FRMD3: variants seen among roughly 807,000 people sequenced by gnomAD.
The protein encoded by FRMD3 is FERM domain-containing protein 3.
In FRMD3, 33 loss-of-function variants were observed where a neutral mutation model predicts 70.2. The observed-to-expected ratio is 0.47, with a 90% CI of 0.36 to 0.63. FRMD3 has a LOEUF of 0.63. Ranked by LOEUF, FRMD3 falls within the 20% of genes least tolerant of loss-of-function variation. The pLI is 0.00. For synonymous variants in FRMD3, 279 were observed against 255.9 expected (o/e 1.09, Z -0.86); for missense variants, 632 against 711.4 (o/e 0.89, Z 1.27).
intron 3 of FRMD3, among the ~76,000 whole-genome samples, chr9:83,353,190 C>T (rs11140041): frequency 0.28 from 41,434 of 149,640 alleles, 6,534 homozygotes; most frequent in Non-Finnish European, 0.35. Flanking sequence ...CCACTCAGTT[C>T]TGTCACAGTG....
intron 6 of FRMD3, among the ~76,000 whole-genome samples, chr9:83,324,367 G>A (rs1203721023): frequency 6.6e-6 from 1 of 152,138 alleles, no homozygotes; most frequent in Non-Finnish European, 1.5e-5. Flanking sequence ...TGGTCTGGGA[G>A]GGGCACATAG....
chr9:83,518,504 G>A (rs1668192329), intron 1 of FRMD3, among the ~76,000 whole-genome samples: 1 of 151,996 alleles, frequency 6.6e-6, no homozygotes, highest in African/African-American at 2.4e-5. Flanking sequence ...ACAAACAAAT[G>A]GAAAAACATT....
At chr9:83,347,595 C>G (rs10746702) in intron 4 of FRMD3, among the ~76,000 whole-genome samples, 3 of 151,980 alleles carry the variant, frequency 2.0e-5, no homozygotes, top group Non-Finnish European at 2.9e-5. Flanking sequence ...TCAAATATCA[C>G]TTTTGTGGTT....
chr9:83,406,432 T>G (rs1826105853), intron 1 of FRMD3, among the ~76,000 whole-genome samples: 2 of 152,178 alleles, frequency 1.3e-5, no homozygotes, highest in African/African-American at 4.8e-5. Flanking sequence ...AACTTATACA[T>G]ATATGCTTTG....
In FRMD3 at chr9:83,538,352, G is replaced by A. The variant is rs1193432712; in HGVS notation, c.-121C>T. 1 of 891,002 alleles carries A rather than the reference G, an allele frequency of 1.1e-6. No homozygotes were observed. The highest frequency in any genetic ancestry group is 1.5e-6 in the Non-Finnish European group (1 of 676,312). The allele number at this position is 891,002 out of a possible 1,614,324, so 55.2% of individuals were successfully genotyped here. ...GGGCGCGGCTCAGCCCCGGGACATC[G>A]GCAGCGTCGGGCGCCTGCGGACACA... On this transcript the variant is annotated 5_prime_UTR_variant, in exon 1 of 14. Transcript: ENST00000304195. This position sits in a 1 kb window ranked among gnomAD's most constrained non-coding sequence, Gnocchi z 4.7.
At chr9:83,428,607 T>G (rs1826883075) in intron 1 of FRMD3, among the ~76,000 whole-genome samples, 1 of 152,088 alleles carries the variant, frequency 6.6e-6, no homozygotes, top group Non-Finnish European at 1.5e-5. Context: ...TATAATAATT[T>G]TCATTATTTA....
Position 83,245,367 on chromosome 9 carries a change from T to C in FRMD3, c.*2551A>G, listed in dbSNP as rs1832043805. On this transcript the variant is annotated 3_prime_UTR_variant, in exon 14 of 14. Coordinates refer to ENST00000304195, the MANE Select transcript of FRMD3 (RefSeq NM_174938.6). ...CTAACAAAACTTAAATGGATGTTTC[T>C]AAAAGGCTCTGATTCTATGCCGAGC... The C allele has an allele frequency of 2.0e-6, 2 of 985,326 alleles. No homozygotes were observed. Among genetic ancestry groups the C allele is most frequent in the South Asian group, 9.4e-5 (2 of 21,296 alleles). The allele number at this position is 985,326 out of a possible 1,614,324, so 61.0% of individuals were successfully genotyped here. A position where few individuals can be genotyped will look rare whatever the true frequency, so the allele number is the denominator to read the frequency against.
chr9:83,570,031 A>T, the FRMD3 span, among the ~76,000 whole-genome samples: 1 of 152,170 alleles, frequency 6.6e-6, no homozygotes, highest in Non-Finnish European at 1.5e-5. Context: ...TCAAGTTCCC[A>T]TCAGATTTTC....
chr9:83,538,060 C>T lies in FRMD3; in HGVS notation c.147+25G>A. The stretch of plus-strand genomic sequence containing the variant: ...CGCCCTGCTCCCGGCGTGTGCCCCG[C>T]GCCCTCGCCCGGTTCCACGCGCACC... On this transcript the variant is annotated intron_variant, in intron 1 of 13. Coordinates refer to ENST00000304195, the MANE Select transcript of FRMD3 (RefSeq NM_174938.6). The surrounding 1 kb of genome is among the most constrained non-coding windows in gnomAD (Gnocchi z 4.7). 1 of 1,608,368 alleles carries T rather than the reference C, an allele frequency of 6.2e-7. No individual in the cohort carries two copies. Among genetic ancestry groups the T allele is most frequent in the East Asian group, 2.2e-5 (1 of 44,718 alleles).
At chr9:83,535,714 C>T (rs1477036710) in intron 1 of FRMD3, among the ~76,000 whole-genome samples, 1 of 152,020 alleles carries the variant, frequency 6.6e-6, no homozygotes, top group African/African-American at 2.4e-5. Flanking sequence ...CCCAGGGAAG[C>T]CAGAAAATTG....
At chr9:83,478,531 A>G (rs1034548138) in intron 1 of FRMD3, among the ~76,000 whole-genome samples, 34 of 152,170 alleles carry the variant, frequency 2.2e-4, no homozygotes, top group Admixed American at 2.2e-3. Context: ...GGGTGTGGAG[A>G]AATTGTGTAT....
intron 1 of FRMD3, among the ~76,000 whole-genome samples, chr9:83,522,152 GA>G (rs573436914): frequency 1.3e-5 from 2 of 152,312 alleles, no homozygotes; most frequent in South Asian, 4.1e-4. Flanking sequence ...AGCTTTTAAA[GA>G]TTCTCTTATT....
intron 1 of FRMD3, among the ~76,000 whole-genome samples, chr9:83,536,930 T>TTAAAAAAAAA (rs1829904792): frequency 3.3e-5 from 2 of 60,894 alleles, no homozygotes; most frequent in Non-Finnish European, 6.5e-5. Flanking sequence ...TGTATTACAC[T>TTAAAAAAAAA]AAAAAAAAAA....
chr9:83,373,818 G>T (rs1374597435), intron 2 of FRMD3, among the ~76,000 whole-genome samples: 1 of 152,136 alleles, frequency 6.6e-6, no homozygotes, highest in Non-Finnish European at 1.5e-5. Flanking sequence ...CCTTCTGGAG[G>T]CATCCCACCT....
chr9:83,248,588 G>GA (rs779865114), intron 13 of FRMD3, 72 bp from the exon 14 acceptor site: 1 of 1,466,156 alleles, frequency 6.8e-7, no homozygotes, highest in Admixed American at 2.3e-5. Flanking sequence ...GGAAGAAACA[G>GA]AAAAACAAAA....
intron 3 of FRMD3, among the ~76,000 whole-genome samples, chr9:83,357,381 A>G (rs560699022): frequency 6.7e-6 from 1 of 149,048 alleles, no homozygotes; most frequent in African/African-American, 2.5e-5. Context: ...GCTGCTATAA[A>G]CATGCGTGTG....
chr9:83,517,070 C>G (rs781148216), intron 1 of FRMD3, among the ~76,000 whole-genome samples: 1 of 151,958 alleles, frequency 6.6e-6, no homozygotes, highest in Non-Finnish European at 1.5e-5. Context: ...ACTAGAGAAG[C>G]AAGGGCAAAC....
At chr9:83,332,984 G>C (rs543529211) in intron 6 of FRMD3, among the ~76,000 whole-genome samples, 1 of 152,296 alleles carries the variant, frequency 6.6e-6, no homozygotes, top group African/African-American at 2.4e-5. Flanking sequence ...ACACAAGACA[G>C]ATAACACTTT....
chr9:83,556,246 G>T, the FRMD3 span, among the ~76,000 whole-genome samples: 1 of 151,866 alleles, frequency 6.6e-6, no homozygotes, highest in African/African-American at 2.4e-5. Flanking sequence ...ATAACAATTG[G>T]AAATATTTTG....
Sources: allele counts gnomAD v4.1 joint callset (sites outside exome capture counted in the v4.1 genomes callset), GRCh38; gene constraint gnomAD v4.1.1; non-coding constraint Gnocchi (gnomAD v3.1); transcripts MANE v1.5; gene names NCBI Gene and HGNC (gene_info 2026-07-23, HGNC 2026-07-21).